XCL1: variants seen among roughly 807,000 people sequenced by gnomAD.
XCL1 encodes the protein lymphotactin.
XCL1 carries 6 observed loss-of-function variants against 7.4 expected under a neutral mutation model. That is an observed-to-expected ratio of 0.82 (90% CI 0.45 to 1.61). XCL1 has a LOEUF of 1.61. Ranked by LOEUF, XCL1 falls within the 40% of genes most tolerant of loss-of-function variation. XCL1 has a pLI of 0.01. For synonymous variants in XCL1, 48 were observed against 52.4 expected (o/e 0.92, Z 0.36); for missense variants, 122 against 138.2 (o/e 0.88, Z 0.59).
intron 1 of XCL1, among the ~76,000 whole-genome samples, chr1:168,577,751 A>G (rs1160431642): frequency 1.3e-5 from 2 of 152,216 alleles, no homozygotes; most frequent in Non-Finnish European, 2.9e-5. Flanking sequence ...TTGCTGAGAC[A>G]ATGGGCATAC....
In XCL1 at chr1:168,581,205, G is replaced by A. The variant is rs1655160243; in HGVS notation, c.330G>A (p.Val110=). The part of the protein sequence containing the change: ...TGTQQSTNTA[V]TLTG ...CCCAGCAATCGACCAATACAGCTGT[G>A]ACTCTGACTGGCTAGTAGTCTCTGG... The change falls in exon 3 of 3, where the codon GTG becomes GTA. Residue 110 remains valine, a synonymous_variant. Coordinates refer to ENST00000367818, the MANE Select transcript of XCL1 (RefSeq NM_002995.3). The A allele has an allele frequency of 6.2e-7, 1 of 1,613,634 alleles. No individual in the cohort carries two copies. Among genetic ancestry groups the A allele is most frequent in the East Asian group, 2.2e-5 (1 of 44,862 alleles).
intron 1 of XCL1, chr1:168,579,162 T>C (rs558664306): frequency 6.3e-4 from 250 of 399,038 alleles, no homozygotes; most frequent in African/African-American, 4.8e-3. Context: ...TGAGTAGCTG[T>C]TTGGGGGTCT....
chr1:168,578,783 C>A, intron 1 of XCL1: 1 of 466,836 alleles, frequency 2.1e-6, no homozygotes, highest in Non-Finnish European at 4.2e-6. Flanking sequence ...TAGCTTCCAC[C>A]AGCTTAGCCA....
intron 1 of XCL1, among the ~76,000 whole-genome samples, chr1:168,578,132 C>A (rs1353822879): frequency 1.3e-5 from 2 of 152,204 alleles, no homozygotes; most frequent in East Asian, 1.9e-4. Context: ...CCAGATTTTT[C>A]CTCTTTCATT....
chr1:168,578,703 T>A (rs2300298), intron 1 of XCL1: 198,153 of 329,634 alleles, frequency 0.6, 60,728 homozygotes, highest in Middle Eastern at 0.69. Context: ...CAGCTTGGCA[T>A]TGTGAGCCAC....
chr1:168,578,305 A>G (rs1255741350), intron 1 of XCL1, among the ~76,000 whole-genome samples: 1 of 152,210 alleles, frequency 6.6e-6, no homozygotes, highest in Non-Finnish European at 1.5e-5. Context: ...TAGCAACACT[A>G]CAGACCAATG....
At chr1:168,578,704 T>A in intron 1 of XCL1, 1 of 330,798 alleles carries the variant, frequency 3.0e-6, no homozygotes, top group Middle Eastern at 1.0e-3. Context: ...AGCTTGGCAT[T>A]GTGAGCCACA....
intron 1 of XCL1, among the ~76,000 whole-genome samples, chr1:168,577,347 A>G (rs561336519): frequency 2.0e-5 from 3 of 152,296 alleles, no homozygotes; most frequent in African/African-American, 4.8e-5. Context: ...GACTATTACT[A>G]TTTATGAGAA....
intron 1 of XCL1, 91 bp downstream of exon 1, chr1:168,576,789 A>T (rs1655034429): frequency 8.9e-6 from 14 of 1,581,838 alleles, no homozygotes; most frequent in Non-Finnish European, 1.2e-5. Flanking sequence ...TGACTGGACT[A>T]ACCTGCTTTC....
chr1:168,577,597 T>G (rs1221100229), intron 1 of XCL1, among the ~76,000 whole-genome samples: 1 of 152,196 alleles, frequency 6.6e-6, no homozygotes, highest in African/African-American at 2.4e-5. Context: ...TATTATAACT[T>G]AATAATGGGT....
chr1:168,576,696 A>T lies in XCL1; in HGVS notation c.59A>T (p.Glu20Val). 6.2e-7 allele frequency: 1 copy of T among 1,613,712 alleles called. No homozygotes were observed. Among genetic ancestry groups the T allele is most frequent in the Non-Finnish European group, 8.5e-7 (1 of 1,179,790 alleles). Residue 20 changes from glutamate (E) to valine (V), a missense_variant and splice_region_variant, in exon 1 of 3, where the codon GAA becomes GTA. Physicochemically the swap from Glu to Val is moderately radical, Grantham distance 121. Transcript: ENST00000367818. The part of the protein sequence containing the change: ...GICSLTAYIV[E>V]GVGSEVSDKR... ...TGCTCTCTCACTGCATACATTGTGG[A>T]AGGTAAGTGGAGAAGCTGTCTGTGA... is the stretch of plus-strand genomic sequence containing the variant.
intron 2 of XCL1, among the ~76,000 whole-genome samples, chr1:168,580,845 G>T (rs1418642173): frequency 6.6e-6 from 1 of 152,130 alleles, no homozygotes; most frequent in Non-Finnish European, 1.5e-5. Flanking sequence ...GTGAACAAAG[G>T]GGCTGGATAC....
intron 2 of XCL1, among the ~76,000 whole-genome samples, chr1:168,580,739 A>C (rs1655144104): frequency 6.6e-6 from 1 of 152,212 alleles, no homozygotes. Context: ...AAATTTGAAA[A>C]GGAAGAGGTT....
rs1655028672 is a variant in XCL1, at chr1:168,576,611, C to T, written c.-27C>T. ...CTCAAAGAGCCCGATCCTCACTCTC[C>T]TTGCACAGCTCAGCAGGACCTCAGC... On this transcript the variant is annotated 5_prime_UTR_variant, in exon 1 of 3. Coordinates refer to ENST00000367818, the MANE Select transcript of XCL1 (RefSeq NM_002995.3). The T allele has an allele frequency of 6.2e-7, 1 of 1,612,996 alleles. No individual in the cohort carries two copies. The highest frequency in any genetic ancestry group is 8.5e-7 in the Non-Finnish European group (1 of 1,179,392).
intron 1 of XCL1, 125 bp downstream of exon 1, chr1:168,576,823 A>T: frequency 7.9e-7 from 1 of 1,269,396 alleles, no homozygotes; most frequent in South Asian, 1.3e-5. Context: ...TAAACTTCCC[A>T]TGTGCAAGAA....
At position 168,581,215 on chromosome 1, in the gene XCL1, G is replaced by A. The variant is rs1655160774; in HGVS notation, c.340G>A (p.Gly114Ser). Residue 114 changes from glycine (G) to serine (S), a missense_variant, in exon 3 of 3, where the codon GGC (glycine) becomes AGC (serine). Transcript: ENST00000367818. ...GACCAATACAGCTGTGACTCTGACT[G>A]GCTAGTAGTCTCTGGCACCCTGTCC... ...QSTNTAVTLT[G>S] 1 of 1,613,412 alleles carries A rather than the reference G, an allele frequency of 6.2e-7. No homozygotes were observed. Among genetic ancestry groups the A allele is most frequent in the South Asian group, 1.1e-5 (1 of 91,046 alleles).
At chr1:168,578,213 T>TGC (rs1413093031) in intron 1 of XCL1, among the ~76,000 whole-genome samples, 3 of 152,178 alleles carry the variant, frequency 2.0e-5, no homozygotes, top group Non-Finnish European at 4.4e-5. Context: ...AGACTGGCAT[T>TGC]GAGAGTGAAG....
chr1:168,579,524 C>A (rs1655104794), intron 1 of XCL1: 1 of 173,634 alleles, frequency 5.8e-6, no homozygotes, highest in African/African-American at 2.4e-5. Context: ...TGCTTCCTTC[C>A]CTCACTGAAT....
chr1:168,580,611 C>T (rs1655138875), intron 2 of XCL1, among the ~76,000 whole-genome samples: 1 of 152,180 alleles, frequency 6.6e-6, no homozygotes, highest in African/African-American at 2.4e-5. Context: ...TCCCTTTCTT[C>T]TACCAGAATC....
Sources: gnomAD v4.1 joint callset for allele counts (sites outside exome capture counted in the v4.1 genomes callset) on GRCh38, gnomAD v4.1.1 for gene constraint, MANE v1.5 for transcripts, NCBI Gene and HGNC (gene_info 2026-07-23, HGNC 2026-07-21) for gene names.